The following ADAM18 variants were observed in gnomAD, a reference collection of about 807,000 sequenced individuals.
ADAM18 encodes ADAM metallopeptidase domain 18, also known as disintegrin and metalloproteinase domain-containing protein 18.
Under a neutral mutation model 94.4 loss-of-function variants are expected in ADAM18, and 117 were observed. The ratio of observed to expected loss-of-function variants is 1.24; its 90% CI spans 1.07 to 1.45. The LOEUF (loss-of-function observed/expected upper bound fraction) is 1.45, where lower values mean the gene tolerates loss of function less well. Among genes scored for constraint, ADAM18 ranks in the 40% most tolerant of loss-of-function variants. ADAM18 has a pLI of 0.00. For missense variants in ADAM18, 936 were observed against 880.0 expected (o/e 1.06, Z -0.81); for synonymous variants, 327 against 291.6 (o/e 1.12, Z -1.24).
At chr8:39,632,925 C>T (rs919070828) in intron 7 of ADAM18, among the ~76,000 whole-genome samples, 2 of 152,086 alleles carry the variant, frequency 1.3e-5, no homozygotes, top group African/African-American at 4.8e-5. Context: ...CTTCATAATT[C>T]ATGTATTGAA....
intron 6 of ADAM18, among the ~76,000 whole-genome samples, chr8:39,615,681 C>T (rs1819417741): frequency 6.6e-6 from 1 of 152,106 alleles, no homozygotes; most frequent in African/African-American, 2.4e-5. Context: ...TCACCACTCC[C>T]ATTCAACATA....
At chr8:39,591,184 G>A (rs1818561101) in intron 2 of ADAM18, among the ~76,000 whole-genome samples, 1 of 152,140 alleles carries the variant, frequency 6.6e-6, no homozygotes, top group African/African-American at 2.4e-5. Context: ...GATGTTGATG[G>A]CTGCTGACTG....
chr8:39,646,371 A>G (rs984491743), intron 11 of ADAM18, among the ~76,000 whole-genome samples: 1 of 152,204 alleles, frequency 6.6e-6, no homozygotes, highest in African/African-American at 2.4e-5. Context: ...ATTAAACATA[A>G]TTAAAAACAA....
rs558083740 is a variant in ADAM18 at position 39,618,776 on chromosome 8, A to G, written c.522+8070A>G. 2.0e-5 allele frequency among the ~76,000 whole-genome samples: 3 copies of G among 152,282 alleles called. No homozygotes were observed. The East Asian group carries it at 5.8e-4, about 29-fold the overall frequency. ...CCCGCAAGGGTCGCATTCCATTCCC[A>G]GAGCTATGAACATCTGCTTTTCTGG... On this transcript the variant is annotated intron_variant, in intron 6 of 19. Coordinates refer to ENST00000265707, the MANE Select transcript of ADAM18 (RefSeq NM_014237.3).
chr8:39,651,269 G>A (rs1820527104), intron 12 of ADAM18, among the ~76,000 whole-genome samples: 1 of 152,180 alleles, frequency 6.6e-6, no homozygotes, highest in African/African-American at 2.4e-5. Context: ...GACAGCAGGA[G>A]ACAGATGCCT....
chr8:39,718,284 A>G (rs888687855), intron 18 of ADAM18, among the ~76,000 whole-genome samples: 22 of 151,578 alleles, frequency 1.5e-4, no homozygotes, highest in Admixed American at 1.1e-3. Context: ...AGCACTATTC[A>G]CAATACTCAA....
At chr8:39,613,929 GA>G (rs1483635963) in intron 6 of ADAM18, among the ~76,000 whole-genome samples, 1 of 151,980 alleles carries the variant, frequency 6.6e-6, no homozygotes, top group East Asian at 1.9e-4. Flanking sequence ...CAAAAATAAA[GA>G]AAAAATGCAA....
chr8:39,640,744 CATT>C (rs1820214801), intron 10 of ADAM18, among the ~76,000 whole-genome samples: 1 of 151,966 alleles, frequency 6.6e-6, no homozygotes, highest in African/African-American at 2.4e-5. Context: ...GGTGCTATCT[CATT>C]GTGGTTTCGA....
chr8:39,637,297 A>G lies in ADAM18; in HGVS notation c.622A>G (p.Thr208Ala). 5 of 1,607,316 alleles carry G rather than the reference A, an allele frequency of 3.1e-6. No individual in the cohort carries two copies. The highest frequency in any genetic ancestry group is 3.4e-6 in the Non-Finnish European group (4 of 1,176,686). Residue 208 changes from threonine (T) to alanine (A), a missense_variant, in exon 8 of 20, where the codon ACA becomes GCA. Physicochemically the swap from Thr to Ala is moderately conservative, Grantham distance 58. Coordinates refer to ENST00000265707, the MANE Select transcript of ADAM18 (RefSeq NM_014237.3). ...DYMGSEMMAV[T>A]QKIVQVIGLV... ...TATGGGATCTGAAATGATGGCTGTA[A>G]CACAAAAAATTGTCCAGGTTATTGG... is the stretch of plus-strand genomic sequence containing the variant.
intron 14 of ADAM18, among the ~76,000 whole-genome samples, chr8:39,673,486 A>C (rs1389868369): frequency 6.6e-6 from 1 of 151,812 alleles, no homozygotes; most frequent in Non-Finnish European, 1.5e-5. Context: ...CCCCCCAACA[A>C]GCCCCAGCAT....
In ADAM18 at chr8:39,584,693, C is replaced by G. The variant is rs1312050056; in HGVS notation, c.55+16C>G. ...GCCCACGAAGGTAAGTCCATGGGAGCCTCCCCTTTCTTCTTCGACTTTATA... is the reference window on the plus strand; with the variant it reads ...GCCCACGAAGGTAAGTCCATGGGAGGCTCCCCTTTCTTCTTCGACTTTATA... On this transcript the variant is annotated intron_variant, in intron 1 of 19. Coordinates refer to ENST00000265707, the MANE Select transcript of ADAM18 (RefSeq NM_014237.3). The G allele has an allele frequency of 3.7e-6, 6 of 1,611,812 alleles. 1 individual carries two copies. The South Asian group carries it at 6.6e-5, about 18-fold the overall frequency.
At chr8:39,605,655 C>T in intron 2 of ADAM18, 1 of 192,684 alleles carries the variant, frequency 5.2e-6, no homozygotes, top group Non-Finnish European at 1.1e-5. Context: ...GTTAATAATG[C>T]TAAAATGCTA....
chr8:39,633,735 T>C (rs1819996993), intron 7 of ADAM18, among the ~76,000 whole-genome samples: 1 of 150,776 alleles, frequency 6.6e-6, no homozygotes, highest in Non-Finnish European at 1.5e-5. Flanking sequence ...TTATTTATAG[T>C]AAAATTTGAG....
At chr8:39,630,024 T>A (rs1819889475) in intron 7 of ADAM18, among the ~76,000 whole-genome samples, 1 of 151,960 alleles carries the variant, frequency 6.6e-6, no homozygotes, top group Admixed American at 6.6e-5. Flanking sequence ...TTATAAAGCA[T>A]ATTCACTTGA....
chr8:39,702,523 A>G (rs541231465), intron 17 of ADAM18, among the ~76,000 whole-genome samples: 3 of 152,160 alleles, frequency 2.0e-5, no homozygotes, highest in Non-Finnish European at 4.4e-5. Context: ...TTTTGTTTCA[A>G]TTGCTTTTGG....
intron 10 of ADAM18, among the ~76,000 whole-genome samples, chr8:39,644,693 C>A (rs1314315484): frequency 6.6e-6 from 1 of 152,116 alleles, no homozygotes; most frequent in East Asian, 1.9e-4. Flanking sequence ...TTCCAGCCCC[C>A]TATACGTATA....
In ADAM18 at chr8:39,605,775, T is replaced by A; in HGVS notation, c.133-532T>A. On this transcript the variant is annotated intron_variant, in intron 2 of 19. Coordinates refer to ENST00000265707, the MANE Select transcript of ADAM18 (RefSeq NM_014237.3). ...TTGGTTACATGAGTAAGTTCTTTAG[T>A]GGTGATTTGTGAGATTTTGTTGCAC... 1.0e-5 allele frequency: 2 copies of A among 197,760 alleles called. 1 individual carries two copies. The highest frequency in any genetic ancestry group is 2.1e-5 in the Non-Finnish European group (2 of 96,266). 12.3% of individuals were successfully genotyped at this position (197,760 alleles called of 1,614,324 possible). A position where few individuals can be genotyped will look rare whatever the true frequency, so the allele number is the denominator to read the frequency against.
chr8:39,621,309 T>TCACACACACA (rs55818122), intron 6 of ADAM18, among the ~76,000 whole-genome samples: 113 of 128,904 alleles, frequency 8.8e-4, no homozygotes, highest in Middle Eastern at 3.9e-3. Context: ...CATGACAAAA[T>TCACACACACA]CACACACACA....
At chr8:39,707,039 C>T in intron 18 of ADAM18, 135 bp downstream of exon 18, 1 of 567,980 alleles carries the variant, frequency 1.8e-6, no homozygotes, top group South Asian at 2.5e-5. Context: ...GGGATACATT[C>T]TAAAACCCTC....
Sources: allele counts gnomAD v4.1 joint callset (sites outside exome capture counted in the v4.1 genomes callset), GRCh38; gene constraint gnomAD v4.1.1; transcripts MANE v1.5; gene names NCBI Gene and HGNC (gene_info 2026-07-23, HGNC 2026-07-21).